PPARG: variants seen among roughly 807,000 people sequenced by gnomAD.
PPARG encodes the protein peroxisome proliferator-activated receptor gamma.
PPARG carries 17 observed loss-of-function variants against 39.2 expected under a neutral mutation model. The ratio of observed to expected loss-of-function variants is 0.43; its 90% CI spans 0.30 to 0.65. The LOEUF (loss-of-function observed/expected upper bound fraction) is 0.65, where lower values mean the gene tolerates loss of function less well. Ranked by LOEUF, PPARG falls within the 30% of genes least tolerant of loss-of-function variation. PPARG has a pLI of 0.13. For synonymous variants in PPARG, 223 were observed against 215.7 expected, an observed-to-expected ratio of 1.03 and a Z score of -0.30; for missense variants, 406 against 585.9, an observed-to-expected ratio of 0.69 and a Z score of 3.17.
In PPARG at chr3:12,392,284, G is replaced by A. The variant is rs549360050; in HGVS notation, c.391-330G>A. On this transcript the variant is annotated intron_variant, in intron 4 of 7. Coordinates refer to ENST00000651735, the MANE Select transcript of PPARG (RefSeq NM_138711.6). ...TGCAGAGAGACTTAACTGATTACAC[G>A]GTGTTTTATTTGCATTACATTAAAT... is the stretch of plus-strand genomic sequence containing the variant. Among the ~76,000 whole-genome samples, 67 of 152,244 alleles carry A rather than the reference G, an allele frequency of 4.4e-4. 1 individual carries two copies. In the Middle Eastern group the frequency reaches 0.017, roughly 39 times the overall value.
At chr3:12,326,460 G>A (rs2047697214) in intron 2 of PPARG, among the ~76,000 whole-genome samples, 1 of 152,166 alleles carries the variant, frequency 6.6e-6, no homozygotes, top group South Asian at 2.1e-4. Context: ...TGAGAAAATT[G>A]ACTGCAAGAA....
intron 4 of PPARG, among the ~76,000 whole-genome samples, chr3:12,386,083 C>A (rs1292255637): frequency 6.6e-6 from 1 of 152,114 alleles, no homozygotes; most frequent in East Asian, 1.9e-4. Context: ...ACTTCCTGAT[C>A]ATCAGAAGAG....
At chr3:12,340,270 G>A (rs1175815751) in intron 2 of PPARG, among the ~76,000 whole-genome samples, 26 of 152,160 alleles carry the variant, frequency 1.7e-4, no homozygotes, top group Admixed American at 1.7e-3. Context: ...TAAGCAATCT[G>A]CCTCCTTCCG....
rs1189504497 is a variant in PPARG at position 12,372,089 on chromosome 3, A to C, written c.-8-7615A>C. 4.2e-6 allele frequency: 3 copies of C among 721,638 alleles called. No individual in the cohort carries two copies. The Admixed American group carries it at 5.9e-5, about 14-fold the overall frequency. 44.7% of individuals were successfully genotyped at this position (721,638 alleles called of 1,614,324 possible). On this transcript the variant is annotated intron_variant, in intron 2 of 7. Coordinates refer to ENST00000651735, the MANE Select transcript of PPARG (RefSeq NM_138711.6). The stretch of plus-strand genomic sequence containing the variant: ...AAGGTCATTTCCAACAAAACTACAA[A>C]GGACCTATGAAAGGCTTTTCAGGCA...
At chr3:12,402,883 C>T (rs905936597) in intron 5 of PPARG, among the ~76,000 whole-genome samples, 1 of 152,136 alleles carries the variant, frequency 6.6e-6, no homozygotes, top group African/African-American at 2.4e-5. Context: ...CCTAAATGTG[C>T]AAGTCTCTGA....
At chr3:12,405,733 A>G (rs917779406) in intron 5 of PPARG, 149 bp from the exon 6 acceptor site, 5 of 766,492 alleles carry the variant, frequency 6.5e-6, no homozygotes, top group South Asian at 3.1e-5. Context: ...AAATAAAAAC[A>G]TGAGCAAAGT....
chr3:12,409,657 A>G (rs1454521034), intron 6 of PPARG, among the ~76,000 whole-genome samples: 1 of 152,178 alleles, frequency 6.6e-6, no homozygotes, highest in African/African-American at 2.4e-5. Context: ...TGCATTTCTT[A>G]TACACCCTGC....
chr3:12,417,192 G>A lies in PPARG; in HGVS notation c.1180+38G>A, dbSNP rs766719270. 5 of 1,599,466 alleles carry A rather than the reference G, an allele frequency of 3.1e-6. No individual in the cohort carries two copies. The Admixed American group carries it at 5.0e-5, about 16-fold the overall frequency. On this transcript the variant is annotated intron_variant, in intron 7 of 7. Transcript: ENST00000651735. The stretch of plus-strand genomic sequence containing the variant: ...TTTTGATCTTCTATGAAAGAGGGTG[G>A]GATGATGGTGGGGTGGCCAAAAGAA...
intron 1 of PPARG, among the ~76,000 whole-genome samples, chr3:12,290,912 C>T (rs577921237): frequency 1.3e-5 from 2 of 152,266 alleles, no homozygotes; most frequent in Non-Finnish European, 1.5e-5. Flanking sequence ...CTGAATGTTT[C>T]ACACATTCTG....
intron 2 of PPARG, among the ~76,000 whole-genome samples, chr3:12,369,326 T>C (rs1444763169): frequency 6.6e-6 from 1 of 152,038 alleles, no homozygotes; most frequent in Non-Finnish European, 1.5e-5. Flanking sequence ...ACCTCATCAG[T>C]ACAGAAAATA....
rs189880163 is a variant in PPARG at position 12,419,012 on chromosome 3, T to A, written c.1180+1858T>A. The stretch of plus-strand genomic sequence containing the variant: ...CAGGCTGGAGTGCAATGGCACAATC[T>A]CGGCTCACTGCAATCTCCACCTCCC... On this transcript the variant is annotated intron_variant, in intron 7 of 7. Coordinates refer to ENST00000651735, the MANE Select transcript of PPARG (RefSeq NM_138711.6). Among the ~76,000 whole-genome samples, 3 of 152,290 alleles carry A rather than the reference T, an allele frequency of 2.0e-5. No homozygotes were observed. In the East Asian group the frequency reaches 5.8e-4, roughly 29 times the overall value.
chr3:12,364,630 CTG>C (rs1168428270), intron 2 of PPARG, among the ~76,000 whole-genome samples: 1 of 152,198 alleles, frequency 6.6e-6, no homozygotes, highest in Non-Finnish European at 1.5e-5. Context: ...AATGGCCACA[CTG>C]TCTTCCAAAG....
intron 5 of PPARG, among the ~76,000 whole-genome samples, chr3:12,395,247 T>G (rs1016611877): frequency 2.0e-5 from 3 of 152,364 alleles, no homozygotes; most frequent in African/African-American, 7.2e-5. Context: ...CTTACAGTGC[T>G]CTGGTCTTCA....
chr3:12,365,812 G>A (rs2048998300), intron 2 of PPARG, among the ~76,000 whole-genome samples: 2 of 152,060 alleles, frequency 1.3e-5, no homozygotes, highest in South Asian at 4.1e-4. Context: ...TAACTTTCTA[G>A]TAAGGCTTGA....
rs189265531 is a variant in PPARG, at chr3:12,369,220, A to G, written c.-8-10484A>G. Among the ~76,000 whole-genome samples the G allele has an allele frequency of 1.8e-4, 27 of 152,190 alleles. No homozygotes were observed. The East Asian group carries it at 5.2e-3, about 30-fold the overall frequency. ...CATACTTACATTAATGGCCAGGCAT[A>G]GTGACTCACGCCTGTAATCCCAACA... On this transcript the variant is annotated intron_variant, in intron 2 of 7. Coordinates refer to ENST00000651735, the MANE Select transcript of PPARG (RefSeq NM_138711.6).
chr3:12,387,886 A>T (rs112279122), intron 4 of PPARG, among the ~76,000 whole-genome samples: 1 of 152,086 alleles, frequency 6.6e-6, no homozygotes, highest in Non-Finnish European at 1.5e-5. Flanking sequence ...TCTTGAGTTA[A>T]TTTTGTATAT....
intron 2 of PPARG, among the ~76,000 whole-genome samples, chr3:12,365,620 G>T (rs2048992818): frequency 6.6e-6 from 1 of 151,656 alleles, no homozygotes; most frequent in African/African-American, 2.4e-5. Flanking sequence ...TTTTGCATGT[G>T]GATGTCCAGT....
At chr3:12,362,823 A>G (rs1458874966) in intron 2 of PPARG, among the ~76,000 whole-genome samples, 2 of 151,998 alleles carry the variant, frequency 1.3e-5, no homozygotes, top group Non-Finnish European at 2.9e-5. Flanking sequence ...TGTTTTTTAT[A>G]GATTTTCTTT....
intron 7 of PPARG, among the ~76,000 whole-genome samples, chr3:12,422,480 T>C (rs1455484538): frequency 1.3e-5 from 2 of 152,246 alleles, no homozygotes; most frequent in African/African-American, 4.8e-5. Flanking sequence ...CTCTACTTTT[T>C]GCGTATTGAG....
Sources: gnomAD v4.1 joint callset for allele counts (sites outside exome capture counted in the v4.1 genomes callset) on GRCh38, gnomAD v4.1.1 for gene constraint, MANE v1.5 for transcripts, NCBI Gene and HGNC (gene_info 2026-07-23, HGNC 2026-07-21) for gene names.